The following ASTN2 variants were observed in gnomAD, a reference collection of about 807,000 sequenced individuals.
ASTN2 encodes the protein astrotactin 2, also known as astrotactin-2.
ASTN2 carries 54 observed loss-of-function variants against 139.8 expected under a neutral mutation model. The ratio of observed to expected loss-of-function variants is 0.39; its 90% CI spans 0.31 to 0.48. The LOEUF (loss-of-function observed/expected upper bound fraction) is 0.48, where lower values mean the gene tolerates loss of function less well. Among genes scored for constraint, ASTN2 ranks in the 20% least tolerant of loss-of-function variants. ASTN2 has a pLI of 0.95. For missense variants in ASTN2, 1,565 were observed against 1,725.1 expected (o/e 0.91, Z 1.64); for synonymous variants, 756 against 719.5 (o/e 1.05, Z -0.81).
At chr9:117,373,651 T>A in intron 1 of ASTN2, among the ~76,000 whole-genome samples, 1 of 152,220 alleles carries the variant, frequency 6.6e-6, no homozygotes, top group Admixed American at 6.5e-5. Flanking sequence ...CTGGAACATA[T>A]TCCTGCCTTC....
At chr9:116,901,777 T>C (rs1453497757) in intron 10 of ASTN2, among the ~76,000 whole-genome samples, 1 of 152,232 alleles carries the variant, frequency 6.6e-6, no homozygotes, top group Admixed American at 6.5e-5. Context: ...GGCTCACGCC[T>C]GTAATCCCAG....
intron 13 of ASTN2, among the ~76,000 whole-genome samples, chr9:116,747,627 A>G (rs963357869): frequency 4.6e-5 from 7 of 151,366 alleles, no homozygotes; most frequent in African/African-American, 1.7e-4. Context: ...TATCTCTCCA[A>G]CCATAGTCAC....
intron 16 of ASTN2, among the ~76,000 whole-genome samples, chr9:116,704,289 A>G (rs1445427780): frequency 6.6e-6 from 1 of 152,118 alleles, no homozygotes; most frequent in African/African-American, 2.4e-5. Flanking sequence ...ATGTTTTTGC[A>G]TAATCTTTGT....
At chr9:117,338,992 G>A (rs748699058) in intron 1 of ASTN2, among the ~76,000 whole-genome samples, 5 of 152,004 alleles carry the variant, frequency 3.3e-5, no homozygotes, top group Non-Finnish European at 5.9e-5. Context: ...TAGACACTAG[G>A]ATGTAGACTG....
intron 11 of ASTN2, among the ~76,000 whole-genome samples, chr9:116,827,518 A>C (rs142032542): frequency 1.3e-5 from 2 of 152,220 alleles, no homozygotes; most frequent in African/African-American, 4.8e-5. Context: ...GAGAAGACTC[A>C]AATAAATACA....
At position 116,964,265 on chromosome 9, in the gene ASTN2, G is replaced by GTGCGCGCGCGCA. The variant is rs1835952490; in HGVS notation, c.1889+10942_1889+10943insTGCGCGCGCGCA. Among the ~76,000 whole-genome samples, 3 of 149,926 alleles carry GTGCGCGCGCGCA rather than the reference G, an allele frequency of 2.0e-5. No homozygotes were observed. The East Asian group carries it at 5.9e-4, about 29-fold the overall frequency. ...TGTGTGTGTGTGTGTGTGCGCGCGC[G>GTGCGCGCGCGCA]CGCGTGTGTGTTGACTACTGGGTGG... On this transcript the variant is annotated intron_variant, in intron 10 of 22. Transcript: ENST00000313400.
intron 20 of ASTN2, among the ~76,000 whole-genome samples, chr9:116,484,403 C>G (rs1002685883): frequency 6.6e-6 from 1 of 152,188 alleles, no homozygotes; most frequent in Non-Finnish European, 1.5e-5. Context: ...TATCAGGGTT[C>G]ACACCCAGCC....
At chr9:116,725,195 C>T (rs1443729309) in intron 16 of ASTN2, among the ~76,000 whole-genome samples, 1 of 152,080 alleles carries the variant, frequency 6.6e-6, no homozygotes, top group Non-Finnish European at 1.5e-5. Flanking sequence ...GACTGGTCTC[C>T]AGCACCTGGT....
At chr9:117,303,523 C>A (rs1834926945) in intron 1 of ASTN2, among the ~76,000 whole-genome samples, 1 of 152,160 alleles carries the variant, frequency 6.6e-6, no homozygotes, top group African/African-American at 2.4e-5. Flanking sequence ...CCAACCTGGA[C>A]CAAATGACAT....
chr9:117,154,905 T>C (rs1167786671), intron 3 of ASTN2, among the ~76,000 whole-genome samples: 2 of 152,020 alleles, frequency 1.3e-5, no homozygotes, highest in Non-Finnish European at 2.9e-5. Context: ...TAGTGTTTAC[T>C]CTACACCAGG....
Position 116,883,724 on chromosome 9 carries a change from A to G in ASTN2, c.1890-19991T>C, listed in dbSNP as rs1011098892. 1.3e-5 allele frequency among the ~76,000 whole-genome samples: 2 copies of G among 152,230 alleles called. 1 individual carries two copies. The highest frequency in any genetic ancestry group is 3.9e-4 in the East Asian group (2 of 5,186). On this transcript the variant is annotated intron_variant, in intron 10 of 22. Coordinates refer to ENST00000313400, the MANE Select transcript of ASTN2 (RefSeq NM_001365068.1). ...TCTTCTAACTCTTGAAAGTTCTTCCAGGTAGCCCATGAAGGTAGGCCTACT... is the reference window on the plus strand; with the variant it reads ...TCTTCTAACTCTTGAAAGTTCTTCCGGGTAGCCCATGAAGGTAGGCCTACT...
chr9:116,699,317 C>A lies in ASTN2; in HGVS notation c.2806+26454G>T. The stretch of plus-strand genomic sequence containing the variant: ...AATTTGTCACCTGTGATGCTGAGGG[C>A]ACCGTCTACTTCACCCAGGGCTTAG... On this transcript the variant is annotated intron_variant, in intron 16 of 22. Coordinates refer to ENST00000313400, the MANE Select transcript of ASTN2 (RefSeq NM_001365068.1). The surrounding 1 kb of genome is among the most constrained non-coding windows in gnomAD (Gnocchi z 4.2). 1 of 1,614,218 alleles carries A rather than the reference C, an allele frequency of 6.2e-7. No homozygotes were observed. Among genetic ancestry groups the A allele is most frequent in the Non-Finnish European group, 8.5e-7 (1 of 1,180,040 alleles).
At chr9:116,899,820 C>CAT (rs1188043074) in intron 10 of ASTN2, among the ~76,000 whole-genome samples, 1 of 152,130 alleles carries the variant, frequency 6.6e-6, no homozygotes, top group Non-Finnish European at 1.5e-5. Flanking sequence ...ACTGCTCCTG[C>CAT]ATATAACACT....
rs183435480 is a variant in ASTN2, at chr9:116,933,228, C to T, written c.1889+41980G>A. 2.1e-3 allele frequency among the ~76,000 whole-genome samples: 326 copies of T among 152,242 alleles called. 1 individual carries two copies. The highest frequency in any genetic ancestry group is 3.3e-3 in the Non-Finnish European group (225 of 68,000). The stretch of plus-strand genomic sequence containing the variant: ...TCAAAAAGAAAGGAACTAACTCCAG[C>T]TTCCTTAAAACAAATCGAGCACCCC... On this transcript the variant is annotated intron_variant, in intron 10 of 22. Coordinates refer to ENST00000313400, the MANE Select transcript of ASTN2 (RefSeq NM_001365068.1).
In ASTN2 at chr9:116,699,126, G is replaced by A. The variant is rs772922696; in HGVS notation, c.2806+26645C>T. On this transcript the variant is annotated intron_variant, in intron 16 of 22. Transcript: ENST00000313400. This position sits in a 1 kb window ranked among gnomAD's most constrained non-coding sequence, Gnocchi z 4.2. ...GGTATATACCTTGGATGGCCACTGC[G>A]TGGCCTGTCACAGGAGCCAGCTGAG... The A allele has an allele frequency of 1.5e-5, 24 of 1,614,078 alleles. No individual in the cohort carries two copies. The highest frequency in any genetic ancestry group is 5.3e-5 in the African/African-American group (4 of 74,940).
At chr9:117,136,728 G>A (rs1829960380) in intron 4 of ASTN2, among the ~76,000 whole-genome samples, 2 of 152,216 alleles carry the variant, frequency 1.3e-5, no homozygotes, top group African/African-American at 2.4e-5. Flanking sequence ...GGAAGGGGAA[G>A]ATGGATTTAT....
chr9:117,094,431 A>G lies in ASTN2; in HGVS notation c.1276+1613T>C, dbSNP rs574622116. On this transcript the variant is annotated intron_variant, in intron 5 of 22. Transcript: ENST00000313400. ...ATCTATAAATAGCCCAGGCCTGCTGAGGGGACCCATTGACTTCCCCAGCCC... is the reference window on the plus strand; with the variant it reads ...ATCTATAAATAGCCCAGGCCTGCTGGGGGGACCCATTGACTTCCCCAGCCC... 4.6e-5 allele frequency among the ~76,000 whole-genome samples: 7 copies of G among 152,274 alleles called. No individual in the cohort carries two copies. In the South Asian group the frequency reaches 1.4e-3, roughly 32 times the overall value.
intron 13 of ASTN2, among the ~76,000 whole-genome samples, chr9:116,770,306 T>C (rs549635933): frequency 1.3e-5 from 2 of 152,238 alleles, no homozygotes; most frequent in African/African-American, 4.8e-5. Flanking sequence ...ATTTTTTTTA[T>C]TCAGATCTAG....
chr9:116,712,190 T>C (rs1321809065), intron 16 of ASTN2, among the ~76,000 whole-genome samples: 2 of 152,186 alleles, frequency 1.3e-5, no homozygotes, highest in Non-Finnish European at 2.9e-5. Context: ...TGTACATGCT[T>C]TTCTTGCATC....
Sources: gnomAD v4.1 joint callset for allele counts (sites outside exome capture counted in the v4.1 genomes callset) on GRCh38, gnomAD v4.1.1 for gene constraint, Gnocchi (gnomAD v3.1) non-coding constraint, MANE v1.5 for transcripts, NCBI Gene and HGNC (gene_info 2026-07-23, HGNC 2026-07-21) for gene names.